The following CUL4A variants were observed in gnomAD, a reference collection of about 807,000 sequenced individuals.
The protein encoded by CUL4A is cullin 4A, also known as cullin-4A.
In CUL4A, 16 loss-of-function variants were observed where a neutral mutation model predicts 95.5. The ratio of observed to expected loss-of-function variants is 0.17; its 90% CI spans 0.11 to 0.25. The LOEUF (loss-of-function observed/expected upper bound fraction) is 0.25, where lower values mean the gene tolerates loss of function less well. Ranked by LOEUF, CUL4A falls within the 10% of genes least tolerant of loss-of-function variation. The pLI is 1.00. For missense variants in CUL4A, 610 were observed against 937.0 expected (o/e 0.65, Z 4.56); for synonymous variants, 380 against 353.1 (o/e 1.08, Z -0.85).
chr13:113,264,615 G>A lies in CUL4A; in HGVS notation c.*1033G>A, dbSNP rs2042366806. The A allele has an allele frequency of 6.6e-6, 1 of 152,374 alleles. No homozygotes were observed. The highest frequency in any genetic ancestry group is 1.5e-5 in the Non-Finnish European group (1 of 67,984). 9.4% of individuals were successfully genotyped at this position (152,374 alleles called of 1,614,324 possible). On this transcript the variant is annotated 3_prime_UTR_variant, in exon 20 of 20. Transcript: ENST00000375440. ...GAAAGTTCAGTAGTGATGTTAGAAGGGTAACTATGACAAAGATACTTTTGA... is the reference window on the plus strand; with the variant it reads ...GAAAGTTCAGTAGTGATGTTAGAAGAGTAACTATGACAAAGATACTTTTGA...
intron 3 of CUL4A, 30 bp downstream of exon 3, chr13:113,219,078 A>G (rs749268104): frequency 6.5e-6 from 9 of 1,394,128 alleles, no homozygotes; most frequent in Non-Finnish European, 2.0e-6. Flanking sequence ...TAAAGTTTCT[A>G]TTCATTATCT....
At chr13:113,230,630 T>C (rs1006794497) in intron 5 of CUL4A, among the ~76,000 whole-genome samples, 6 of 152,222 alleles carry the variant, frequency 3.9e-5, no homozygotes, top group African/African-American at 1.4e-4. Flanking sequence ...TTCCTACTAA[T>C]GTATTTAATC....
At chr13:113,248,686 A>G (rs1014920261) in intron 15 of CUL4A, among the ~76,000 whole-genome samples, 5 of 152,206 alleles carry the variant, frequency 3.3e-5, no homozygotes, top group South Asian at 2.1e-4. Flanking sequence ...GTTATTTTAT[A>G]TAAGTGTGAG....
At chr13:113,261,063 G>A (rs181914024) in intron 19 of CUL4A, among the ~76,000 whole-genome samples, 1 of 152,258 alleles carries the variant, frequency 6.6e-6, no homozygotes, top group Admixed American at 6.5e-5. Context: ...TAGTAGTAGC[G>A]GTCAAGGTTA....
intron 2 of CUL4A, among the ~76,000 whole-genome samples, chr13:113,212,502 G>A (rs903030717): frequency 3.3e-5 from 5 of 152,252 alleles, no homozygotes; most frequent in Admixed American, 2.6e-4. Flanking sequence ...TAGAGTCAGA[G>A]TCGGGTGCAG....
rs939674426 is a variant in CUL4A, at chr13:113,243,842, A to G, written c.1229-568A>G. ...CCTCTGTATCATTTGTGGTTTCTCTAAAGCAAAGGGATGTTGAGCTCTTGG... is the reference window on the plus strand; with the variant it reads ...CCTCTGTATCATTTGTGGTTTCTCTGAAGCAAAGGGATGTTGAGCTCTTGG... On this transcript the variant is annotated intron_variant, in intron 11 of 19. Coordinates refer to ENST00000375440, the MANE Select transcript of CUL4A (RefSeq NM_001008895.4). Among the ~76,000 whole-genome samples, 6 of 152,206 alleles carry G rather than the reference A, an allele frequency of 3.9e-5. 1 individual carries two copies. Among genetic ancestry groups the G allele is most frequent in the Non-Finnish European group, 8.8e-5 (6 of 68,036 alleles).
At chr13:113,220,050 T>C (rs531572157) in intron 3 of CUL4A, among the ~76,000 whole-genome samples, 1 of 152,338 alleles carries the variant, frequency 6.6e-6, no homozygotes, top group East Asian at 1.9e-4. Context: ...TCTTCATGTG[T>C]AAAATTAGGT....
intron 2 of CUL4A, among the ~76,000 whole-genome samples, chr13:113,215,172 G>T (rs371303188): frequency 7.0e-4 from 106 of 150,852 alleles, no homozygotes; most frequent in African/African-American, 2.5e-3. Context: ...GACTATGGAG[G>T]TCTCTCTCGT....
At chr13:113,235,240 C>T (rs1239531809) in intron 8 of CUL4A, 95 bp downstream of exon 8, 44 of 810,560 alleles carry the variant, frequency 5.4e-5, no homozygotes, top group Non-Finnish European at 8.5e-5. Flanking sequence ...TTTGTCAATT[C>T]ATTCAGTACT....
At chr13:113,208,923 C>T, upstream of CUL4A, 1 of 1,354,050 alleles carries the variant, frequency 7.4e-7, no homozygotes, top group Non-Finnish European at 9.4e-7. Flanking sequence ...CGAGGACAGC[C>T]CCACGGCTAA....
intron 2 of CUL4A, among the ~76,000 whole-genome samples, chr13:113,218,563 A>G (rs1291672316): frequency 6.6e-6 from 1 of 152,216 alleles, no homozygotes; most frequent in Non-Finnish European, 1.5e-5. Flanking sequence ...AGTGACCCCC[A>G]TCTCAGACTG....
At chr13:113,245,934 G>A (rs1311903038) in intron 14 of CUL4A, 22 bp from the exon 15 acceptor site, 1 of 1,520,346 alleles carries the variant, frequency 6.6e-7, no homozygotes, top group Non-Finnish European at 9.1e-7. Context: ...CAAAATGATT[G>A]TCTTGGATTT....
intron 3 of CUL4A, among the ~76,000 whole-genome samples, chr13:113,225,439 A>G (rs990120475): frequency 2.3e-4 from 35 of 152,182 alleles, no homozygotes; most frequent in African/African-American, 8.0e-4. Context: ...TTGAGGATCT[A>G]TATTGATTTT....
intron 15 of CUL4A, among the ~76,000 whole-genome samples, chr13:113,250,833 C>G (rs548014502): frequency 6.6e-6 from 1 of 152,148 alleles, no homozygotes; most frequent in Admixed American, 6.5e-5. Flanking sequence ...GAAATGAAAT[C>G]GATGATATCG....
intron 19 of CUL4A, among the ~76,000 whole-genome samples, chr13:113,261,616 A>G (rs1358013495): frequency 1.3e-5 from 2 of 152,108 alleles, no homozygotes; most frequent in African/African-American, 2.4e-5. Flanking sequence ...TCCTGTTGCC[A>G]CTGCAAACAA....
intron 11 of CUL4A, among the ~76,000 whole-genome samples, chr13:113,243,603 C>T (rs1036761344): frequency 6.7e-6 from 1 of 149,242 alleles, no homozygotes; most frequent in African/African-American, 2.5e-5. Context: ...TTTTTTAATT[C>T]GAAGGAGAAA....
At chr13:113,215,570 G>A (rs2040633895) in intron 2 of CUL4A, among the ~76,000 whole-genome samples, 1 of 149,600 alleles carries the variant, frequency 6.7e-6, no homozygotes, top group Admixed American at 6.7e-5. Flanking sequence ...GTCCCATGTG[G>A]CCGTGGAGGT....
intron 15 of CUL4A, among the ~76,000 whole-genome samples, chr13:113,250,754 G>A (rs2041974078): frequency 6.6e-6 from 1 of 152,118 alleles, no homozygotes; most frequent in South Asian, 2.1e-4. Context: ...TTTAGGTATG[G>A]TAATGGCATA....
intron 5 of CUL4A, among the ~76,000 whole-genome samples, chr13:113,231,088 A>G (rs1017061188): frequency 6.6e-6 from 1 of 152,224 alleles, no homozygotes; most frequent in Non-Finnish European, 1.5e-5. Context: ...CTCTTAATTT[A>G]TAAACATAGT....
Sources: allele counts gnomAD v4.1 joint callset (sites outside exome capture counted in the v4.1 genomes callset), GRCh38; gene constraint gnomAD v4.1.1; transcripts MANE v1.5; gene names NCBI Gene and HGNC (gene_info 2026-07-23, HGNC 2026-07-21).